The following ANKRD33B variants were observed in gnomAD, a reference collection of about 807,000 sequenced individuals.
The protein encoded by ANKRD33B is ankyrin repeat domain-containing protein 33B.
A neutral mutation model predicts 21.5 loss-of-function variants in ANKRD33B; 6 were observed. The ratio of observed to expected loss-of-function variants is 0.28; its 90% confidence interval spans 0.15 to 0.55. The LOEUF (loss-of-function observed/expected upper bound fraction) is 0.55, where lower values mean the gene tolerates loss of function less well. Ranked by LOEUF, ANKRD33B falls within the 20% of genes least tolerant of loss-of-function variation. The pLI is 0.94. For missense variants in ANKRD33B, 698 were observed against 747.2 expected (o/e 0.93, Z 0.77); for synonymous variants, 347 against 342.4 (o/e 1.01, Z -0.15).
At chr5:10,620,424 G>A (rs1186160417) in intron 2 of ANKRD33B, among the ~76,000 whole-genome samples, 1 of 152,184 alleles carries the variant, frequency 6.6e-6, no homozygotes, top group Non-Finnish European at 1.5e-5. Flanking sequence ...AAGTCAGGAA[G>A]AGAAGGAGCT....
At chr5:10,624,437 T>C (rs1378716633) in intron 2 of ANKRD33B, among the ~76,000 whole-genome samples, 1 of 152,116 alleles carries the variant, frequency 6.6e-6, no homozygotes, top group African/African-American at 2.4e-5. Flanking sequence ...GCCTTTTTTT[T>C]CTTTTTTACT....
At chr5:10,585,114 G>A (rs1244056005) in intron 1 of ANKRD33B, among the ~76,000 whole-genome samples, 1 of 152,202 alleles carries the variant, frequency 6.6e-6, no homozygotes, top group Non-Finnish European at 1.5e-5. Context: ...ACAGACTTGG[G>A]TAAGGAGAGC....
chr5:10,573,341 A>G (rs1735242619), intron 1 of ANKRD33B, among the ~76,000 whole-genome samples: 1 of 151,950 alleles, frequency 6.6e-6, no homozygotes, highest in Admixed American at 6.6e-5. Flanking sequence ...AGTGGCACAC[A>G]CCTGTAGTCC....
intron 1 of ANKRD33B, 131 bp downstream of exon 1, chr5:10,564,964 C>T (rs1735015283): frequency 1.5e-6 from 2 of 1,290,962 alleles, no homozygotes; most frequent in African/African-American, 3.0e-5. Context: ...GCCCAGAGCG[C>T]CTTTTCCCCG....
intron 1 of ANKRD33B, among the ~76,000 whole-genome samples, chr5:10,590,698 G>A (rs1735666561): frequency 6.6e-6 from 1 of 152,062 alleles, no homozygotes; most frequent in Non-Finnish European, 1.5e-5. Flanking sequence ...TGAGGTCCAG[G>A]GAAGCCAAAA....
intron 1 of ANKRD33B, among the ~76,000 whole-genome samples, chr5:10,584,133 A>G (rs1735504049): frequency 6.6e-6 from 1 of 152,232 alleles, no homozygotes; most frequent in Non-Finnish European, 1.5e-5. Flanking sequence ...TATGCCTAAC[A>G]GAACCACATG....
At chr5:10,625,448 T>G (rs543472951) in intron 2 of ANKRD33B, among the ~76,000 whole-genome samples, 1 of 152,212 alleles carries the variant, frequency 6.6e-6, no homozygotes, top group Non-Finnish European at 1.5e-5. Context: ...GGGCTAGTGC[T>G]GTTGAGACTG....
At chr5:10,586,533 G>GTA (rs1553991119) in intron 1 of ANKRD33B, among the ~76,000 whole-genome samples, 6 of 123,544 alleles carry the variant, frequency 4.9e-5, no homozygotes, top group African/African-American at 1.6e-4. Context: ...GTGTGTGTGT[G>GTA]TATACTGCTT....
At chr5:10,618,510 C>A in intron 2 of ANKRD33B, 48 bp downstream of exon 2, 1 of 1,474,662 alleles carries the variant, frequency 6.8e-7, no homozygotes, top group Non-Finnish European at 9.0e-7. Context: ...GCCAGAGCAC[C>A]GCCGCCGGGC....
chr5:10,643,151 C>T (rs571948582), intron 3 of ANKRD33B, among the ~76,000 whole-genome samples: 1 of 152,076 alleles, frequency 6.6e-6, no homozygotes, highest in African/African-American at 2.4e-5. Context: ...GATCTGCATG[C>T]CTCGTCCTCC....
intron 1 of ANKRD33B, among the ~76,000 whole-genome samples, chr5:10,608,197 A>G (rs990009): frequency 1.8e-5 from 1 of 55,168 alleles, no homozygotes; most frequent in Non-Finnish European, 4.6e-5. Context: ...AAAAAAATAC[A>G]AAAAAAAAAA....
In ANKRD33B at chr5:10,589,215, C is replaced by T. The variant is rs1344702999; in HGVS notation, c.366+24382C>T. Among the ~76,000 whole-genome samples the T allele has an allele frequency of 2.0e-5, 3 of 152,132 alleles. No individual in the cohort carries two copies. In the South Asian group the frequency reaches 6.2e-4, roughly 32 times the overall value. On this transcript the variant is annotated intron_variant, in intron 1 of 3. Coordinates refer to ENST00000296657, the MANE Select transcript of ANKRD33B (RefSeq NM_001164440.2). ...CCCCATAAAGGATCCAACCCACAGG[C>T]CCCTCCGTTTCTCGTTCCCCACCTG...
intron 2 of ANKRD33B, among the ~76,000 whole-genome samples, chr5:10,629,446 G>A (rs1275101616): frequency 6.6e-6 from 1 of 152,172 alleles, no homozygotes; most frequent in African/African-American, 2.4e-5. Context: ...CCAGCCGTCT[G>A]GCTTGGGTGA....
At chr5:10,591,972 C>G (rs1201957291) in intron 1 of ANKRD33B, among the ~76,000 whole-genome samples, 2 of 151,870 alleles carry the variant, frequency 1.3e-5, no homozygotes, top group African/African-American at 4.8e-5. Context: ...AATCTCTTTT[C>G]TCCATCAGTA....
intron 2 of ANKRD33B, among the ~76,000 whole-genome samples, chr5:10,635,137 C>G (rs1322879064): frequency 6.6e-6 from 1 of 152,142 alleles, no homozygotes; most frequent in Non-Finnish European, 1.5e-5. Flanking sequence ...AGTTTTTCCT[C>G]TTTCCACCTG....
intron 2 of ANKRD33B, among the ~76,000 whole-genome samples, chr5:10,626,159 C>T (rs1736540601): frequency 6.6e-6 from 1 of 152,230 alleles, no homozygotes; most frequent in Non-Finnish European, 1.5e-5. Context: ...CCACCCTGGT[C>T]CCCTGCTGAG....
chr5:10,574,742 A>T, intron 1 of ANKRD33B, among the ~76,000 whole-genome samples: 1 of 152,216 alleles, frequency 6.6e-6, no homozygotes. Context: ...AGCACAGTTA[A>T]AACAAAGATT....
Position 10,652,863 on chromosome 5 carries a change from GA to G in ANKRD33B, c.*2754del. On this transcript the variant is annotated 3_prime_UTR_variant, in exon 4 of 4. Coordinates refer to ENST00000296657, the MANE Select transcript of ANKRD33B (RefSeq NM_001164440.2). This position sits in a 1 kb window ranked among gnomAD's most constrained non-coding sequence, Gnocchi z 4.1. The stretch of plus-strand genomic sequence containing the variant: ...ACAGCTCTAGAGATACCTGCATTTT[GA>G]AAAGCCTGCTGAGCCAACAAGCTTG... 1.2e-5 allele frequency: 3 copies of G among 257,008 alleles called. No homozygotes were observed. Among genetic ancestry groups the G allele is most frequent in the South Asian group, 3.8e-5 (1 of 25,982 alleles). 15.9% of individuals were successfully genotyped at this position (257,008 alleles called of 1,614,324 possible). A position where few individuals can be genotyped will look rare whatever the true frequency, so the allele number is the denominator to read the frequency against.
At chr5:10,607,252 C>T (rs1262136137) in intron 1 of ANKRD33B, among the ~76,000 whole-genome samples, 2 of 152,214 alleles carry the variant, frequency 1.3e-5, no homozygotes, top group African/African-American at 2.4e-5. Flanking sequence ...GTTTGCCTCT[C>T]GCTCATTCAT....
Sources: allele counts gnomAD v4.1 joint callset (sites outside exome capture counted in the v4.1 genomes callset), GRCh38; gene constraint gnomAD v4.1.1; non-coding constraint Gnocchi (gnomAD v3.1); transcripts MANE v1.5; gene names NCBI Gene and HGNC (gene_info 2026-07-23, HGNC 2026-07-21).